Variants in SBF2 observed in about 807,000 individuals in gnomAD.
SBF2 encodes myotubularin-related protein 13.
Under a neutral mutation model 225.2 loss-of-function variants are expected in SBF2, and 112 were observed. That is an observed-to-expected ratio of 0.50 (90% CI 0.43 to 0.58). SBF2 has a LOEUF of 0.58. SBF2 is among the 20% of genes least tolerant of loss of function. The probability of loss-of-function intolerance (pLI) is 0.00; values close to 1 mark genes in which losing one functional copy is unlikely to be tolerated. For missense variants in SBF2, 1,996 were observed against 2,206.2 expected, an observed-to-expected ratio of 0.90 and a Z score of 1.91; for synonymous variants, 763 against 773.3, an observed-to-expected ratio of 0.99 and a Z score of 0.22.
intron 34 of SBF2, 115 bp downstream of exon 34, chr11:9,790,441 T>C: frequency 1.2e-6 from 1 of 853,736 alleles, no homozygotes; most frequent in East Asian, 2.7e-5. Flanking sequence ...AGCTTTTTGG[T>C]ATGAAACCTA....
intron 2 of SBF2, among the ~76,000 whole-genome samples, chr11:10,129,005 C>T (rs1445200550): frequency 6.6e-6 from 1 of 151,946 alleles, no homozygotes; most frequent in Non-Finnish European, 1.5e-5. Context: ...GTCATGTTTC[C>T]CATGAAATAC....
intron 1 of SBF2, among the ~76,000 whole-genome samples, chr11:10,270,417 G>C (rs1021022114): frequency 2.6e-5 from 4 of 152,014 alleles, no homozygotes; most frequent in African/African-American, 9.7e-5. Flanking sequence ...AAAATCATAA[G>C]AAAACACAGT....
intron 1 of SBF2, among the ~76,000 whole-genome samples, chr11:10,266,703 A>G (rs1489198411): frequency 3.3e-5 from 5 of 152,256 alleles, no homozygotes; most frequent in Non-Finnish European, 7.3e-5. Flanking sequence ...GATGATGGTG[A>G]TAACAGAAGC....
intron 1 of SBF2, among the ~76,000 whole-genome samples, chr11:10,265,170 AT>A (rs1961852758): frequency 6.6e-6 from 1 of 152,162 alleles, no homozygotes; most frequent in South Asian, 2.1e-4. Context: ...GTCTTCCACA[AT>A]GGTTGAACTA....
At chr11:10,182,590 G>A (rs1299062204) in intron 2 of SBF2, among the ~76,000 whole-genome samples, 1 of 151,972 alleles carries the variant, frequency 6.6e-6, no homozygotes, top group Non-Finnish European at 1.5e-5. Flanking sequence ...GTCTTACTCT[G>A]TCACCCAGGC....
intron 13 of SBF2, among the ~76,000 whole-genome samples, chr11:9,980,710 C>G (rs1946918416): frequency 6.6e-6 from 1 of 151,948 alleles, no homozygotes; most frequent in African/African-American, 2.4e-5. Flanking sequence ...TCCGGAGTTA[C>G]TGGGACTACA....
At chr11:9,879,042 C>T (rs557229214) in intron 17 of SBF2, among the ~76,000 whole-genome samples, 129 of 152,314 alleles carry the variant, frequency 8.5e-4, no homozygotes, top group Non-Finnish European at 1.4e-3. Flanking sequence ...AAAATGTTTG[C>T]ACTTTGGACA....
intron 32 of SBF2, among the ~76,000 whole-genome samples, chr11:9,802,801 GTCT>G: frequency 6.6e-6 from 1 of 152,128 alleles, no homozygotes; most frequent in Admixed American, 6.6e-5. Flanking sequence ...GCTAACTATA[GTCT>G]TCTTAGATTC....
chr11:10,122,964 A>G (rs543136363), intron 2 of SBF2, among the ~76,000 whole-genome samples: 1 of 152,218 alleles, frequency 6.6e-6, no homozygotes, highest in Non-Finnish European at 1.5e-5. Flanking sequence ...ACACATACAC[A>G]CCCATACCTT....
chr11:10,264,339 TCTCAC>T (rs1961725573), intron 1 of SBF2, among the ~76,000 whole-genome samples: 1 of 152,114 alleles, frequency 6.6e-6, no homozygotes, highest in South Asian at 2.1e-4. Context: ...ATAATAAAGA[TCTCAC>T]CTATGTATAC....
chr11:10,241,772 C>T (rs1403236418), intron 1 of SBF2, among the ~76,000 whole-genome samples: 1 of 151,942 alleles, frequency 6.6e-6, no homozygotes, highest in Non-Finnish European at 1.5e-5. Flanking sequence ...TAGGAGGTTC[C>T]AAAATTCATT....
chr11:9,875,405 T>C (rs1296709551), intron 17 of SBF2, among the ~76,000 whole-genome samples: 1 of 152,246 alleles, frequency 6.6e-6, no homozygotes, highest in Admixed American at 6.5e-5. Flanking sequence ...CTCCTCTTTT[T>C]ATTAATGTCT....
intron 16 of SBF2, among the ~76,000 whole-genome samples, chr11:9,954,161 C>A (rs1866015300): frequency 1.3e-5 from 2 of 152,092 alleles, no homozygotes; most frequent in African/African-American, 4.8e-5. Context: ...TGATAAACAG[C>A]CTTTTGGCAG....
chr11:9,955,017 G>T (rs1348090231), intron 16 of SBF2, among the ~76,000 whole-genome samples: 3 of 151,952 alleles, frequency 2.0e-5, no homozygotes, highest in Non-Finnish European at 2.9e-5. Flanking sequence ...CAAAGTAACT[G>T]TAATAAAGTA....
chr11:9,885,296 A>C (rs1435034736), intron 17 of SBF2, among the ~76,000 whole-genome samples: 6 of 149,970 alleles, frequency 4.0e-5, no homozygotes, highest in Non-Finnish European at 5.9e-5. Flanking sequence ...CCCAAAAAAA[A>C]CCCAGTGTAA....
At chr11:9,817,742 CAA>C (rs1161708572) in intron 28 of SBF2, among the ~76,000 whole-genome samples, 1 of 57,326 alleles carries the variant, frequency 1.7e-5, no homozygotes, top group African/African-American at 7.7e-5. Flanking sequence ...CCGTCTCTAC[CAA>C]AAAAAAAAAA....
intron 3 of SBF2, among the ~76,000 whole-genome samples, chr11:10,034,767 C>T (rs1168446678): frequency 6.6e-6 from 1 of 152,118 alleles, no homozygotes; most frequent in African/African-American, 2.4e-5. Context: ...ATAGAATTGT[C>T]TCAGTAAAGC....
At chr11:10,083,766 A>G (rs1274643441) in intron 2 of SBF2, among the ~76,000 whole-genome samples, 1 of 152,152 alleles carries the variant, frequency 6.6e-6, no homozygotes, top group East Asian at 1.9e-4. Flanking sequence ...CTGAAACTAT[A>G]AAAAAATACC....
intron 2 of SBF2, among the ~76,000 whole-genome samples, chr11:10,149,722 G>C (rs1367715408): frequency 1.3e-5 from 2 of 152,138 alleles, no homozygotes; most frequent in African/African-American, 4.8e-5. Context: ...ATGTTGATCA[G>C]GGTAAGTAAC....
Sources: gnomAD v4.1 joint callset for allele counts (sites outside exome capture counted in the v4.1 genomes callset) on GRCh38, gnomAD v4.1.1 for gene constraint, MANE v1.5 for transcripts, NCBI Gene and HGNC (gene_info 2026-07-23, HGNC 2026-07-21) for gene names.